The following ZNF254 variants were observed in gnomAD, a reference collection of about 807,000 sequenced individuals.
ZNF254 encodes the protein CTD-2017D11.1.
In ZNF254, 10 loss-of-function variants were observed where a neutral mutation model predicts 12.4. That is an observed-to-expected ratio of 0.80 (90% CI 0.50 to 1.36). The LOEUF is 1.36. ZNF254 is among the 40% of genes most tolerant of loss of function. The pLI is 0.00. For synonymous variants in ZNF254, 305 were observed against 253.4 expected, an observed-to-expected ratio of 1.20 and a Z score of -1.93; for missense variants, 996 against 763.9, an observed-to-expected ratio of 1.30 and a Z score of -3.58.
At chr19:24,090,130 G>A (rs775758305) in intron 1 of ZNF254, among the ~76,000 whole-genome samples, 17 of 151,858 alleles carry the variant, frequency 1.1e-4, no homozygotes, top group Non-Finnish European at 1.6e-4. Flanking sequence ...CCTCAGAGGC[G>A]GAGGTTGCAG....
intron 3 of ZNF254, among the ~76,000 whole-genome samples, chr19:24,111,355 T>C (rs1973668993): frequency 1.3e-5 from 2 of 152,192 alleles, no homozygotes; most frequent in Non-Finnish European, 2.9e-5. Flanking sequence ...TGTATCATTG[T>C]TGGACATTTG....
At chr19:24,088,280 C>G (rs1321288471) in intron 1 of ZNF254, among the ~76,000 whole-genome samples, 2 of 152,016 alleles carry the variant, frequency 1.3e-5, no homozygotes, top group Non-Finnish European at 2.9e-5. Context: ...TCAGCTTATT[C>G]TTGGTTAAGC....
At position 24,087,421 on chromosome 19, in the gene ZNF254, T is replaced by TC; in HGVS notation, c.30+90dup. 5.8e-6 allele frequency: 9 copies of TC among 1,554,680 alleles called. No individual in the cohort carries two copies. In the Admixed American group the frequency reaches 1.3e-4, roughly 23 times the overall value. On this transcript the variant is annotated intron_variant, in intron 1 of 3. Transcript: ENST00000357002. ...AAGCGGCTGTGGCGGGACTCAGGCC[T>TC]CCCCCCAGTCAGCTCCACAATCTGC...
chr19:24,123,319 G>A (rs1390418628), intron 3 of ZNF254, among the ~76,000 whole-genome samples: 2 of 151,924 alleles, frequency 1.3e-5, no homozygotes, highest in South Asian at 2.1e-4. Flanking sequence ...CTTCCTTTTT[G>A]GCTTAAGATG....
At position 24,125,657 on chromosome 19, in the gene ZNF254, TAGG is replaced by T. The variant is rs922436153; in HGVS notation, c.254-594_254-592del. ...TGAAATTTTATTTTTATTATTTAAT[TAGG>T]AGAGATTACTCGTTAATTTGTAGCG... On this transcript the variant is annotated intron_variant, in intron 3 of 3. Coordinates refer to ENST00000357002, the MANE Select transcript of ZNF254 (RefSeq NM_203282.4). 2.6e-5 allele frequency among the ~76,000 whole-genome samples: 4 copies of T among 152,194 alleles called. No homozygotes were observed. In the East Asian group the frequency reaches 5.8e-4, roughly 22 times the overall value.
chr19:24,122,782 C>T lies in ZNF254; in HGVS notation c.254-3472C>T, dbSNP rs1326873396. 5.3e-5 allele frequency among the ~76,000 whole-genome samples: 8 copies of T among 151,162 alleles called. No homozygotes were observed. In the East Asian group the frequency reaches 1.5e-3, roughly 29 times the overall value. ...TGAAAGAAATCTGCCTTGCTTTTAC[C>T]TATTGGCTTACAGTAACAATGCTGC... On this transcript the variant is annotated intron_variant, in intron 3 of 3. Coordinates refer to ENST00000357002, the MANE Select transcript of ZNF254 (RefSeq NM_203282.4).
At chr19:24,058,974 G>A (rs1327972370) in intron 2 of ZNF254, among the ~76,000 whole-genome samples, 1 of 152,142 alleles carries the variant, frequency 6.6e-6, no homozygotes, top group Admixed American at 6.5e-5. Flanking sequence ...ACATCTTGTG[G>A]CATACTGCTA....
In ZNF254 at chr19:24,128,094, A is replaced by T; in HGVS notation, c.*114A>T. On this transcript the variant is annotated 3_prime_UTR_variant, in exon 4 of 4. Coordinates refer to ENST00000357002, the MANE Select transcript of ZNF254 (RefSeq NM_203282.4). ...GCTAATGCTTTTGACAGTACCTAAA[A>T]CTTTAAAGAAAATCATTCTGCTGAA... The T allele has an allele frequency of 9.2e-7, 1 of 1,082,352 alleles. No homozygotes were observed. Among genetic ancestry groups the T allele is most frequent in the Non-Finnish European group, 1.2e-6 (1 of 809,106 alleles). The allele number at this position is 1,082,352 out of a possible 1,614,324, so 67.0% of individuals were successfully genotyped here.
At chr19:24,115,950 T>G (rs1340297944) in intron 3 of ZNF254, among the ~76,000 whole-genome samples, 1 of 152,188 alleles carries the variant, frequency 6.6e-6, no homozygotes, top group Non-Finnish European at 1.5e-5. Flanking sequence ...CTCCTTCACT[T>G]ATGAAGCTTA....
chr19:24,118,107 C>T (rs1480767113), intron 3 of ZNF254, among the ~76,000 whole-genome samples: 1 of 149,480 alleles, frequency 6.7e-6, no homozygotes, highest in East Asian at 2.0e-4. Context: ...GGCTGGAGCT[C>T]AGTGGCACAA....
In ZNF254 at chr19:24,104,606, C is replaced by G. The variant is rs183649743; in HGVS notation, c.31-1334C>G. 4 of 152,160 alleles carry G rather than the reference C, an allele frequency of 2.6e-5. No individual in the cohort carries two copies. The East Asian group carries it at 7.7e-4, about 29-fold the overall frequency. The allele number at this position is 152,160 out of a possible 1,614,324, so 9.4% of individuals were successfully genotyped here. On this transcript the variant is annotated intron_variant, in intron 1 of 3. Coordinates refer to ENST00000357002, the MANE Select transcript of ZNF254 (RefSeq NM_203282.4). ...AAATGCTTATGATAGTCGAGGGTGT[C>G]TGAAAAATTTTTCTATATACAAGAA...
chr19:24,033,502 T>A (rs1210979013), exon 1 of ZNF254: 2 of 215,354 alleles, frequency 9.3e-6, no homozygotes, highest in Non-Finnish European at 1.9e-5. Context: ...TCTCTGCTCT[T>A]CTGCATTCTC....
At chr19:24,050,943 C>CCG (rs969463244) in intron 2 of ZNF254, among the ~76,000 whole-genome samples, 62 of 152,190 alleles carry the variant, frequency 4.1e-4, no homozygotes, top group African/African-American at 1.4e-3. Flanking sequence ...CTCAGGTGAG[C>CCG]CGCCTGCCTT....
intron 1 of ZNF254, among the ~76,000 whole-genome samples, chr19:24,090,848 ATATAT>A (rs1972329202): frequency 6.6e-6 from 1 of 151,940 alleles, no homozygotes; most frequent in Admixed American, 6.6e-5. Context: ...ATATCTAATA[ATATAT>A]TTTATTTGTT....
intron 2 of ZNF254, among the ~76,000 whole-genome samples, chr19:24,059,077 G>T (rs148092892): frequency 6.6e-6 from 1 of 152,226 alleles, no homozygotes; most frequent in African/African-American, 2.4e-5. Context: ...ACAGCATAAT[G>T]ACGTTATTCT....
At chr19:24,120,909 G>A (rs192025438) in intron 3 of ZNF254, among the ~76,000 whole-genome samples, 46 of 151,976 alleles carry the variant, frequency 3.0e-4, no homozygotes, top group South Asian at 2.1e-3. Flanking sequence ...CTGACCTCCC[G>A]TTTCTTTTTT....
At chr19:24,086,686 A>C (rs2145623956), upstream of ZNF254, among the ~76,000 whole-genome samples, 1 of 152,206 alleles carries the variant, frequency 6.6e-6, no homozygotes, top group South Asian at 2.1e-4. Flanking sequence ...CATGATAGTC[A>C]GGCTGGTCTC....
At chr19:24,109,402 T>A (rs1973528975) in intron 3 of ZNF254, among the ~76,000 whole-genome samples, 1 of 152,220 alleles carries the variant, frequency 6.6e-6, no homozygotes. Context: ...AACTAGATTT[T>A]ATGAGTAAAC....
chr19:24,090,882 TTTTC>T (rs755946012), intron 1 of ZNF254, among the ~76,000 whole-genome samples: 13 of 152,064 alleles, frequency 8.5e-5, no homozygotes, highest in Non-Finnish European at 1.6e-4. Flanking sequence ...TCATTTACCT[TTTTC>T]TTTCTCAGAG....
Sources: allele counts gnomAD v4.1 joint callset (sites outside exome capture counted in the v4.1 genomes callset), GRCh38; gene constraint gnomAD v4.1.1; transcripts MANE v1.5; gene names NCBI Gene and HGNC (gene_info 2026-07-23, HGNC 2026-07-21).